CTNNA2: variants seen among roughly 807,000 people sequenced by gnomAD.
CTNNA2 encodes catenin alpha 2.
In CTNNA2, 42 loss-of-function variants were observed where a neutral mutation model predicts 101.0. That is an observed-to-expected ratio of 0.42 (90% CI 0.32 to 0.54). CTNNA2 has a LOEUF of 0.54. CTNNA2 is among the 20% of genes least tolerant of loss of function. The pLI is 0.14. For missense variants in CTNNA2, 871 were observed against 1,223.1 expected (o/e 0.71, Z 4.29); for synonymous variants, 450 against 456.4 (o/e 0.99, Z 0.18).
chr2:79,547,671 A>G lies in CTNNA2; in HGVS notation c.-6+34464A>G, dbSNP rs754823760. 6 of 152,202 alleles carry G rather than the reference A, an allele frequency of 3.9e-5. No homozygotes were observed. In the South Asian group the frequency reaches 1.2e-3, roughly 32 times the overall value. 9.4% of individuals were successfully genotyped at this position (152,202 alleles called of 1,614,324 possible). Reference sequence around the variant, plus strand: ...CCCTCTTATGAAAGTTCTGTAATGCATAATGAGGTGAGTGTTCTGTCTGAA... The same window carrying G: ...CCCTCTTATGAAAGTTCTGTAATGCGTAATGAGGTGAGTGTTCTGTCTGAA... On this transcript the variant is annotated intron_variant, in intron 1 of 18. Transcript: ENST00000402739.
intron 1 of CTNNA2, among the ~76,000 whole-genome samples, chr2:79,513,944 G>A (rs937661423): frequency 6.6e-6 from 1 of 152,220 alleles, no homozygotes; most frequent in Admixed American, 6.5e-5. Flanking sequence ...AAAAGGGGAG[G>A]GGAGAGGAAG....
chr2:80,645,071 A>G (rs1573556920), intron 18 of CTNNA2, among the ~76,000 whole-genome samples: 1 of 152,186 alleles, frequency 6.6e-6, no homozygotes. Context: ...TAATAATACA[A>G]GAGCAATATC....
intron 3 of CTNNA2, among the ~76,000 whole-genome samples, chr2:79,370,649 T>C (rs1179028470): frequency 6.6e-6 from 1 of 151,914 alleles, no homozygotes; most frequent in Non-Finnish European, 1.5e-5. Flanking sequence ...TTCTGAGGCA[T>C]AGAACCCACT....
chr2:80,105,590 G>A lies in CTNNA2; in HGVS notation c.1056+195793G>A, dbSNP rs1269839620. On this transcript the variant is annotated intron_variant, in intron 7 of 18. Transcript: ENST00000402739. ...AATAACAACAACAGCAACAAAAATA[G>A]CCAGGCATGGTTGGCGCATGGCTGT... 2.0e-5 allele frequency among the ~76,000 whole-genome samples: 3 copies of A among 152,036 alleles called. No homozygotes were observed. The East Asian group carries it at 5.8e-4, about 29-fold the overall frequency.
chr2:79,442,620 C>T (rs1304648656), intron 4 of CTNNA2, among the ~76,000 whole-genome samples: 2 of 152,148 alleles, frequency 1.3e-5, no homozygotes, highest in African/African-American at 4.8e-5. Context: ...GATCCAGAGA[C>T]TATTTATTAG....
At chr2:79,209,892 C>G (rs1409634244) in intron 2 of CTNNA2, among the ~76,000 whole-genome samples, 4 of 151,986 alleles carry the variant, frequency 2.6e-5, no homozygotes, top group African/African-American at 4.8e-5. Context: ...ATTAAAATGC[C>G]CTACCTAGCT....
At chr2:80,325,458 A>G (rs1573723119) in intron 7 of CTNNA2, among the ~76,000 whole-genome samples, 1 of 152,228 alleles carries the variant, frequency 6.6e-6, no homozygotes, top group Non-Finnish European at 1.5e-5. Flanking sequence ...GCCATTCTAA[A>G]GTAGAGGTAA....
chr2:79,453,427 T>C (rs1309895570), intron 4 of CTNNA2, among the ~76,000 whole-genome samples: 1 of 152,128 alleles, frequency 6.6e-6, no homozygotes, highest in Non-Finnish European at 1.5e-5. Context: ...CAATGAAATG[T>C]GTAAACAGGA....
intron 3 of CTNNA2, among the ~76,000 whole-genome samples, chr2:79,333,584 A>C (rs1573088437): frequency 6.6e-6 from 1 of 152,186 alleles, no homozygotes; most frequent in African/African-American, 2.4e-5. Context: ...TCCTGTATGC[A>C]TAACATAGAA....
At chr2:79,207,585 G>T (rs1289163057) in intron 2 of CTNNA2, among the ~76,000 whole-genome samples, 2 of 152,144 alleles carry the variant, frequency 1.3e-5, no homozygotes, top group African/African-American at 4.8e-5. Context: ...TGACACAAAA[G>T]GCAGTGAACT....
chr2:80,191,767 GTGT>G (rs1706521100), intron 7 of CTNNA2, among the ~76,000 whole-genome samples: 2 of 152,148 alleles, frequency 1.3e-5, no homozygotes, highest in South Asian at 4.1e-4. Context: ...CAACACTGCA[GTGT>G]AAATGATGGT....
intron 2 of CTNNA2, among the ~76,000 whole-genome samples, chr2:79,250,987 A>ATTTGGG (rs1422340123): frequency 6.6e-6 from 1 of 152,164 alleles, no homozygotes; most frequent in East Asian, 1.9e-4. Flanking sequence ...ATTTGGGAAA[A>ATTTGGG]AAATGATTTA....
intron 1 of CTNNA2, among the ~76,000 whole-genome samples, chr2:79,591,473 G>A (rs201613420): frequency 1.3e-5 from 2 of 151,966 alleles, no homozygotes; most frequent in Non-Finnish European, 2.9e-5. Context: ...CCCTGAGGGG[G>A]AAAAACAGCA....
intron 7 of CTNNA2, among the ~76,000 whole-genome samples, chr2:80,234,891 A>T (rs1211889422): frequency 6.6e-6 from 1 of 151,918 alleles, no homozygotes; most frequent in East Asian, 1.9e-4. Flanking sequence ...TATTTAACTC[A>T]GCCATAAAGA....
At chr2:80,252,805 G>A (rs1671866828) in intron 7 of CTNNA2, among the ~76,000 whole-genome samples, 1 of 152,140 alleles carries the variant, frequency 6.6e-6, no homozygotes, top group East Asian at 1.9e-4. Context: ...ACTTGTAGGC[G>A]GCGACTTGTT....
intron 9 of CTNNA2, among the ~76,000 whole-genome samples, chr2:80,425,241 C>A (rs979946023): frequency 2.6e-5 from 4 of 152,142 alleles, no homozygotes; most frequent in Non-Finnish European, 5.9e-5. Context: ...GCAAGTGGGT[C>A]TCTTGTAGGC....
At chr2:79,342,295 G>A (rs1036600266) in intron 3 of CTNNA2, among the ~76,000 whole-genome samples, 2 of 152,172 alleles carry the variant, frequency 1.3e-5, no homozygotes, top group Non-Finnish European at 1.5e-5. Flanking sequence ...TAAAATACCA[G>A]CTCCAACTGA....
chr2:79,769,101 C>T (rs575174890), intron 3 of CTNNA2, among the ~76,000 whole-genome samples: 15 of 152,192 alleles, frequency 9.9e-5, no homozygotes, highest in African/African-American at 3.4e-4. Context: ...GTGATCCGCC[C>T]GGCTCGGCCT....
intron 3 of CTNNA2, among the ~76,000 whole-genome samples, chr2:79,802,018 AAAAG>A (rs796442473): frequency 7.3e-5 from 11 of 151,556 alleles, no homozygotes; most frequent in South Asian, 2.1e-4. Context: ...AAAAAATGAA[AAAAG>A]AAAGAAAGAA....
Sources: allele counts gnomAD v4.1 joint callset (sites outside exome capture counted in the v4.1 genomes callset), GRCh38; gene constraint gnomAD v4.1.1; transcripts MANE v1.5; gene names NCBI Gene and HGNC (gene_info 2026-07-23, HGNC 2026-07-21).